AGPAT4: variants seen among roughly 807,000 people sequenced by gnomAD.
AGPAT4 encodes 1-acylglycerol-3-phosphate O-acyltransferase 4, also known as 1-acyl-sn-glycerol-3-phosphate acyltransferase delta.
Under a neutral mutation model 48.0 loss-of-function variants are expected in AGPAT4, and 15 were observed. That is an observed-to-expected ratio of 0.31 (90% CI 0.21 to 0.48). The LOEUF (loss-of-function observed/expected upper bound fraction) is 0.48, where lower values mean the gene tolerates loss of function less well. Among genes scored for constraint, AGPAT4 ranks in the 20% least tolerant of loss-of-function variants. The probability of loss-of-function intolerance (pLI) is 0.99; values close to 1 mark genes in which losing one functional copy is unlikely to be tolerated. For synonymous variants in AGPAT4, 178 were observed against 198.7 expected (o/e 0.90, Z 0.88); for missense variants, 314 against 482.5 (o/e 0.65, Z 3.27).
chr6:161,225,721 C>T lies in AGPAT4; in HGVS notation c.178+6315G>A, dbSNP rs192819838. ...GTGTTTGCTTGTTTCAGCTGTGCAG[C>T]GTGGACACACTTCAGAAGTAAAAGG... is the stretch of plus-strand genomic sequence containing the variant. On this transcript the variant is annotated intron_variant, in intron 2 of 8. Transcript: ENST00000320285. This position sits in a 1 kb window ranked among gnomAD's most constrained non-coding sequence, Gnocchi z 5.0. 2.7e-4 allele frequency among the ~76,000 whole-genome samples: 41 copies of T among 152,242 alleles called. No individual in the cohort carries two copies. The East Asian group carries it at 7.7e-3, about 29-fold the overall frequency.
chr6:161,190,638 T>C (rs1159509400), intron 2 of AGPAT4, among the ~76,000 whole-genome samples: 8 of 142,876 alleles, frequency 5.6e-5, no homozygotes, highest in Non-Finnish European at 1.1e-4. Flanking sequence ...ATCAAAGGAG[T>C]AGAAAGATTC....
chr6:161,244,262 G>T lies in AGPAT4; in HGVS notation c.-89-11960C>A, dbSNP rs116993536. ...CCGTCTGCCTCCCGCAAAGAAGCAG[G>T]AAGTCTTCCGGGCAGGGGTGAGGAT... On this transcript the variant is annotated intron_variant, in intron 1 of 8. Coordinates refer to ENST00000320285, the MANE Select transcript of AGPAT4 (RefSeq NM_020133.3). This position sits in a 1 kb window ranked among gnomAD's most constrained non-coding sequence, Gnocchi z 4.7. Among the ~76,000 whole-genome samples, 66 of 152,298 alleles carry T rather than the reference G, an allele frequency of 4.3e-4. No individual in the cohort carries two copies. In the East Asian group the frequency reaches 0.012, roughly 28 times the overall value.
rs1562344920 is a variant in AGPAT4, at chr6:161,221,925, T to G, written c.178+10111A>C. Among the ~76,000 whole-genome samples the G allele has an allele frequency of 6.6e-6, 1 of 152,250 alleles. No homozygotes were observed. ...TCTTAACTTGATCATCTATGAAGAC[T>G]CTATTTCCAAACAAGTTCACATTCA... On this transcript the variant is annotated intron_variant, in intron 2 of 8. Coordinates refer to ENST00000320285, the MANE Select transcript of AGPAT4 (RefSeq NM_020133.3). The surrounding 1 kb of genome is among the most constrained non-coding windows in gnomAD (Gnocchi z 4.5).
chr6:161,149,316 C>T lies in AGPAT4; in HGVS notation c.665-27G>A. ...TATAAAAAATAAAACAAATACAAAG[C>T]AGTATATAGCGTGTGAACCCAATTT... On this transcript the variant is annotated intron_variant, in intron 5 of 8. Coordinates refer to ENST00000320285, the MANE Select transcript of AGPAT4 (RefSeq NM_020133.3). The surrounding 1 kb of genome is among the most constrained non-coding windows in gnomAD (Gnocchi z 6.5). 1 of 1,589,556 alleles carries T rather than the reference C, an allele frequency of 6.3e-7. No homozygotes were observed. Among genetic ancestry groups the T allele is most frequent in the Non-Finnish European group, 8.5e-7 (1 of 1,172,918 alleles).
Position 161,217,443 on chromosome 6 carries a change from C to G in AGPAT4, c.178+14593G>C, listed in dbSNP as rs780489285. The stretch of plus-strand genomic sequence containing the variant: ...GGAGACCTGTGTTAACAGCCTGTCA[C>G]AACGTTGCAGGCGATATCCAAGCCC... On this transcript the variant is annotated intron_variant, in intron 2 of 8. Transcript: ENST00000320285. The surrounding 1 kb of genome is among the most constrained non-coding windows in gnomAD (Gnocchi z 4.9). Among the ~76,000 whole-genome samples, 2 of 152,174 alleles carry G rather than the reference C, an allele frequency of 1.3e-5. No homozygotes were observed. The highest frequency in any genetic ancestry group is 2.9e-5 in the Non-Finnish European group (2 of 68,028).
intron 7 of AGPAT4, among the ~76,000 whole-genome samples, chr6:161,145,062 T>G (rs1779379461): frequency 6.6e-6 from 1 of 151,702 alleles, no homozygotes; most frequent in Non-Finnish European, 1.5e-5. Context: ...AAATACTGCC[T>G]CATGCATGAA....
chr6:161,201,372 TCA>T lies in AGPAT4; in HGVS notation c.178+30662_178+30663del, dbSNP rs111894548. ...TACAGGAACCAATTTACCTTTTTTT[TCA>T]GTCTTATTTTTATTCAAAGAGCACT... On this transcript the variant is annotated intron_variant, in intron 2 of 8. Transcript: ENST00000320285. The surrounding 1 kb of genome is among the most constrained non-coding windows in gnomAD (Gnocchi z 6.0). Among the ~76,000 whole-genome samples the T allele has an allele frequency of 7.2e-5, 11 of 152,358 alleles. No homozygotes were observed. The highest frequency in any genetic ancestry group is 2.6e-4 in the African/African-American group (11 of 41,578).
intron 2 of AGPAT4, among the ~76,000 whole-genome samples, chr6:161,191,066 G>A (rs982002313): frequency 1.3e-5 from 2 of 152,180 alleles, no homozygotes; most frequent in African/African-American, 4.8e-5. Context: ...AACACAATAT[G>A]GAGAAGGTTA....
chr6:161,179,084 C>CATTTAACCATTGCCTGCT (rs1224228314), intron 2 of AGPAT4, among the ~76,000 whole-genome samples: 27 of 152,286 alleles, frequency 1.8e-4, no homozygotes, highest in Middle Eastern at 3.4e-3. Flanking sequence ...CATTGCCTGT[C>CATTTAACCATTGCCTGCT]ATTTAACCAT....
rs1195071607 is a variant in AGPAT4 at position 161,231,465 on chromosome 6, A to G, written c.178+571T>C. On this transcript the variant is annotated intron_variant, in intron 2 of 8. Coordinates refer to ENST00000320285, the MANE Select transcript of AGPAT4 (RefSeq NM_020133.3). This position sits in a 1 kb window ranked among gnomAD's most constrained non-coding sequence, Gnocchi z 5.3. ...GTCAATTTTCTCATTGGAATATGCT[A>G]TTCCAGTGGTGCAAGATGCTACCAT... Among the ~76,000 whole-genome samples, 1 of 151,792 alleles carries G rather than the reference A, an allele frequency of 6.6e-6. No individual in the cohort carries two copies. The highest frequency in any genetic ancestry group is 1.5e-5 in the Non-Finnish European group (1 of 68,042).
chr6:161,221,506 A>G lies in AGPAT4; in HGVS notation c.178+10530T>C, dbSNP rs1325356747. ...AAAGGGAGAGGAGAGAGAAATAGAT[A>G]CCATATTAATGTGTCATTTATCACG... On this transcript the variant is annotated intron_variant, in intron 2 of 8. Transcript: ENST00000320285. The surrounding 1 kb of genome is among the most constrained non-coding windows in gnomAD (Gnocchi z 4.5). Among the ~76,000 whole-genome samples, 2 of 152,230 alleles carry G rather than the reference A, an allele frequency of 1.3e-5. No homozygotes were observed. Among genetic ancestry groups the G allele is most frequent in the African/African-American group, 4.8e-5 (2 of 41,462 alleles).
Position 161,221,479 on chromosome 6 carries a change from A to G in AGPAT4, c.178+10557T>C, listed in dbSNP as rs73017418. Among the ~76,000 whole-genome samples, 19,832 of 152,148 alleles carry G rather than the reference A, an allele frequency of 0.13. 1,381 individuals are homozygous for G. The highest frequency in any genetic ancestry group is 0.17 in the African/African-American group (7,178 of 41,486). On this transcript the variant is annotated intron_variant, in intron 2 of 8. Coordinates refer to ENST00000320285, the MANE Select transcript of AGPAT4 (RefSeq NM_020133.3). This position sits in a 1 kb window ranked among gnomAD's most constrained non-coding sequence, Gnocchi z 4.5. ...TAGGGGTGGGAGAGATAGAAAGGAG[A>G]AAAAGGGAGAGGAGAGAGAAATAGA...
intron 2 of AGPAT4, among the ~76,000 whole-genome samples, chr6:161,213,556 T>C (rs2115020217): frequency 6.6e-6 from 1 of 152,336 alleles, no homozygotes; most frequent in Non-Finnish European, 1.5e-5. Context: ...TTGGAGTCAC[T>C]GAAAACTAAG....
At chr6:161,173,288 C>T (rs1329140083) in intron 2 of AGPAT4, among the ~76,000 whole-genome samples, 1 of 152,230 alleles carries the variant, frequency 6.6e-6, no homozygotes, top group Non-Finnish European at 1.5e-5. Flanking sequence ...TATTTCTCCA[C>T]ATCCTCTCCA....
At position 161,134,613 on chromosome 6, in the gene AGPAT4, A is replaced by C. The variant is rs1350131556; in HGVS notation, c.*1927T>G. 6.6e-6 allele frequency: 1 copy of C among 152,116 alleles called. No individual in the cohort carries two copies. The highest frequency in any genetic ancestry group is 1.5e-5 in the Non-Finnish European group (1 of 68,036). The allele number at this position is 152,116 out of a possible 1,614,324, so 9.4% of individuals were successfully genotyped here. On this transcript the variant is annotated 3_prime_UTR_variant, in exon 9 of 9. Coordinates refer to ENST00000320285, the MANE Select transcript of AGPAT4 (RefSeq NM_020133.3). ...TCAGCAAGGAAAAGTGTCTCACCCA[A>C]ATCCTACAGCCGATGAGCTGCAGAG...
In AGPAT4 at chr6:161,161,518, G is replaced by C; in HGVS notation, c.348+4730C>G. 2.2e-6 allele frequency: 1 copy of C among 456,602 alleles called. No individual in the cohort carries two copies. The highest frequency in any genetic ancestry group is 4.4e-6 in the Non-Finnish European group (1 of 226,862). The allele number at this position is 456,602 out of a possible 1,614,324, so 28.3% of individuals were successfully genotyped here. ...AGCTGATGAATTCACATGGTGGCGG[G>C]CAGCACTGGGTATCTGCCATAGGCT... On this transcript the variant is annotated intron_variant, in intron 3 of 8. Transcript: ENST00000320285. The surrounding 1 kb of genome is among the most constrained non-coding windows in gnomAD (Gnocchi z 4.6).
intron 2 of AGPAT4, among the ~76,000 whole-genome samples, chr6:161,182,815 T>C (rs954281574): frequency 6.6e-6 from 1 of 152,162 alleles, no homozygotes; most frequent in African/African-American, 2.4e-5. Context: ...TGGGCACTGC[T>C]TTTGGGAGAG....
Position 161,272,898 on chromosome 6 carries a change from G to A in AGPAT4, c.-90+1040C>T, listed in dbSNP as rs886293235. ...CCATCTAAGAACAATGCACGAAAAC[G>A]AAAAACGGAGAATCCTGCCCGGCAG... On this transcript the variant is annotated intron_variant, in intron 1 of 8. Transcript: ENST00000320285. The surrounding 1 kb of genome is among the most constrained non-coding windows in gnomAD (Gnocchi z 4.2). Among the ~76,000 whole-genome samples the A allele has an allele frequency of 1.5e-4, 23 of 152,104 alleles. No homozygotes were observed. Among genetic ancestry groups the A allele is most frequent in the African/African-American group, 5.6e-4 (23 of 41,416 alleles).
At chr6:161,167,366 C>T (rs1430822825) in intron 2 of AGPAT4, among the ~76,000 whole-genome samples, 1 of 152,188 alleles carries the variant, frequency 6.6e-6, no homozygotes, top group Non-Finnish European at 1.5e-5. Flanking sequence ...GCTGGGACTA[C>T]AGGTGTGCAC....
Sources: gnomAD v4.1 joint callset for allele counts (sites outside exome capture counted in the v4.1 genomes callset) on GRCh38, gnomAD v4.1.1 for gene constraint, Gnocchi (gnomAD v3.1) non-coding constraint, MANE v1.5 for transcripts, NCBI Gene and HGNC (gene_info 2026-07-23, HGNC 2026-07-21) for gene names.